The following CFAP61 variants were observed in gnomAD, a reference collection of about 807,000 sequenced individuals.
CFAP61 encodes cilia and flagella associated protein 61, also known as cilia- and flagella-associated protein 61.
Under a neutral mutation model 135.6 loss-of-function variants are expected in CFAP61, and 107 were observed. The ratio of observed to expected loss-of-function variants is 0.79; its 90% confidence interval spans 0.67 to 0.93. CFAP61 has a LOEUF of 0.93. Ranked by LOEUF, CFAP61 falls within the 40% of genes least tolerant of loss-of-function variation. CFAP61 has a pLI of 0.00. For synonymous variants in CFAP61, 575 were observed against 578.5 expected (o/e 0.99, Z 0.09); for missense variants, 1,507 against 1,556.2 (o/e 0.97, Z 0.53).
intron 12 of CFAP61, among the ~76,000 whole-genome samples, chr20:20,166,908 T>C (rs1250836618): frequency 6.6e-6 from 1 of 152,148 alleles, no homozygotes; most frequent in African/African-American, 2.4e-5. Flanking sequence ...CAACCCACAT[T>C]GATGAATGGG....
At chr20:20,111,243 T>C (rs1225533317) in intron 8 of CFAP61, among the ~76,000 whole-genome samples, 1 of 152,232 alleles carries the variant, frequency 6.6e-6, no homozygotes, top group Non-Finnish European at 1.5e-5. Context: ...CATTAAAGTT[T>C]GCTTTGCTGA....
At chr20:20,298,521 TTCTA>T (rs1381836293) in intron 25 of CFAP61, 135 bp downstream of exon 25, 88 of 743,810 alleles carry the variant, frequency 1.2e-4, no homozygotes, top group Non-Finnish European at 1.4e-4. Flanking sequence ...AGAGATTTCG[TTCTA>T]ATGAAGAACA....
rs561052585 is a variant in CFAP61 at position 20,097,073 on chromosome 20, G to A, written c.700-1582G>A. Among the ~76,000 whole-genome samples the A allele has an allele frequency of 4.4e-3, 646 of 147,646 alleles. 4 individuals are homozygous for A. The highest frequency in any genetic ancestry group is 0.015 in the African/African-American group (615 of 40,012). On this transcript the variant is annotated intron_variant, in intron 7 of 26. Coordinates refer to ENST00000245957, the MANE Select transcript of CFAP61 (RefSeq NM_015585.4). ...ATTTTTAACTGGGAGACATATTCGA[G>A]AACAAATAGTAGTTTAATACCTATT...
intron 25 of CFAP61, among the ~76,000 whole-genome samples, chr20:20,310,069 A>T (rs2122189779): frequency 6.6e-6 from 1 of 152,262 alleles, no homozygotes; most frequent in South Asian, 2.1e-4. Context: ...ATCTCAGCTC[A>T]CTGCAACCTC....
chr20:20,068,168 G>T (rs2045439953), intron 2 of CFAP61, among the ~76,000 whole-genome samples: 1 of 152,212 alleles, frequency 6.6e-6, no homozygotes, highest in African/African-American at 2.4e-5. Flanking sequence ...TTGCTTCCCT[G>T]AGGGGATGGT....
chr20:20,170,463 G>T (rs889234961), intron 13 of CFAP61, among the ~76,000 whole-genome samples: 1 of 152,066 alleles, frequency 6.6e-6, no homozygotes, highest in African/African-American at 2.4e-5. Flanking sequence ...TGACCAGACT[G>T]TTTCTACAGG....
intron 13 of CFAP61, among the ~76,000 whole-genome samples, chr20:20,178,293 T>C (rs886347140): frequency 5.3e-5 from 8 of 152,242 alleles, no homozygotes; most frequent in Non-Finnish European, 5.9e-5. Flanking sequence ...TCCTTTATGA[T>C]ACATTTTCTT....
At chr20:20,258,481 C>T (rs1569204576) in intron 20 of CFAP61, 4 of 152,076 alleles carry the variant, frequency 2.6e-5, no homozygotes, top group African/African-American at 7.2e-5. Flanking sequence ...GGAGGGGCTC[C>T]GTCACTCCAG....
intron 3 of CFAP61, among the ~76,000 whole-genome samples, chr20:20,072,091 C>CTTTTTTTTTTTTTTTTT (rs71198039): frequency 1.7e-5 from 1 of 57,638 alleles, no homozygotes; most frequent in Non-Finnish European, 3.5e-5. Flanking sequence ...ATCTAGCAAT[C>CTTTTTTTTTTTTTTTTT]TTTTTTTTTT....
chr20:20,257,676 A>AGT (rs2051749768), intron 20 of CFAP61, among the ~76,000 whole-genome samples: 1 of 151,940 alleles, frequency 6.6e-6, no homozygotes, highest in South Asian at 2.1e-4. Flanking sequence ...ATTTCATAGT[A>AGT]GTACAAAAGG....
At chr20:20,184,034 T>C (rs562032868) in intron 13 of CFAP61, among the ~76,000 whole-genome samples, 1 of 152,336 alleles carries the variant, frequency 6.6e-6, no homozygotes, top group South Asian at 2.1e-4. Context: ...AGTTTTGTGC[T>C]ACTTTGCAGG....
intron 25 of CFAP61, among the ~76,000 whole-genome samples, chr20:20,311,513 C>A (rs1035718648): frequency 2.0e-5 from 3 of 152,118 alleles, no homozygotes; most frequent in African/African-American, 7.2e-5. Flanking sequence ...AGAGAGTTCC[C>A]AGGCCACAGC....
chr20:20,261,031 T>C (rs1304520693), intron 20 of CFAP61, among the ~76,000 whole-genome samples: 3 of 152,234 alleles, frequency 2.0e-5, no homozygotes, highest in Non-Finnish European at 4.4e-5. Context: ...ATATTACTAA[T>C]AAGAAAACTT....
intron 18 of CFAP61, among the ~76,000 whole-genome samples, chr20:20,233,717 T>C (rs1444755011): frequency 6.6e-6 from 1 of 152,228 alleles, no homozygotes; most frequent in African/African-American, 2.4e-5. Flanking sequence ...TCGACTCCAA[T>C]ATTTAAATGT....
At chr20:20,268,387 G>A (rs2052976058) in intron 21 of CFAP61, among the ~76,000 whole-genome samples, 1 of 152,188 alleles carries the variant, frequency 6.6e-6, no homozygotes, top group African/African-American at 2.4e-5. Context: ...TCAAGAACAA[G>A]AGATACTCCC....
chr20:20,170,498 G>A (rs2054145730), intron 13 of CFAP61, among the ~76,000 whole-genome samples: 1 of 152,150 alleles, frequency 6.6e-6, no homozygotes, highest in Non-Finnish European at 1.5e-5. Flanking sequence ...AAAAATCAGT[G>A]TATATTTAAT....
At chr20:20,191,035 C>A (rs1343209247) in intron 14 of CFAP61, among the ~76,000 whole-genome samples, 1 of 152,058 alleles carries the variant, frequency 6.6e-6, no homozygotes, top group Non-Finnish European at 1.5e-5. Context: ...GCAAGAATTC[C>A]TTGAACCCAG....
Position 20,288,687 on chromosome 20 carries a change from A to C in CFAP61, c.2875A>C (p.Ser959Arg). The change falls in exon 23 of 27, where the codon AGT becomes CGT. Residue 959 changes from serine (S) to arginine (R), a missense_variant. Coordinates refer to ENST00000245957, the MANE Select transcript of CFAP61 (RefSeq NM_015585.4). ...CAATGATGCATGTCTTGTGTATGACAGTCGACTTGTGATTGATACCAACTT... is the reference window on the plus strand; with the variant it reads ...CAATGATGCATGTCTTGTGTATGACCGTCGACTTGTGATTGATACCAACTT... ...ALNDACLVYD[S>R]RLVIDTNFHT... 1 of 1,614,086 alleles carries C rather than the reference A, an allele frequency of 6.2e-7. No individual in the cohort carries two copies. The highest frequency in any genetic ancestry group is 8.5e-7 in the Non-Finnish European group (1 of 1,179,920).
intron 26 of CFAP61, among the ~76,000 whole-genome samples, chr20:20,349,305 G>C (rs770520234): frequency 6.6e-6 from 1 of 152,194 alleles, no homozygotes; most frequent in African/African-American, 2.4e-5. Flanking sequence ...TCTGCTTCTG[G>C]TGAGGGCCTC....
Sources: gnomAD v4.1 joint callset for allele counts (sites outside exome capture counted in the v4.1 genomes callset) on GRCh38, gnomAD v4.1.1 for gene constraint, MANE v1.5 for transcripts, NCBI Gene and HGNC (gene_info 2026-07-23, HGNC 2026-07-21) for gene names.